Variants in MSRB3 observed in about 807,000 individuals in gnomAD.
The protein encoded by MSRB3 is methionine sulfoxide reductase B3.
In MSRB3, 13 loss-of-function variants were observed where a neutral mutation model predicts 21.0. That is an observed-to-expected ratio of 0.62 (90% CI 0.40 to 0.98). The LOEUF (loss-of-function observed/expected upper bound fraction) is 0.98. Among genes scored for constraint, MSRB3 ranks in the 50% least tolerant of loss-of-function variants. The pLI is 0.00. For synonymous variants in MSRB3, 87 were observed against 88.6 expected, an observed-to-expected ratio of 0.98 and a Z score of 0.10; for missense variants, 199 against 230.3, an observed-to-expected ratio of 0.86 and a Z score of 0.88.
At chr12:65,421,233 T>C (rs1881277856) in intron 5 of MSRB3, among the ~76,000 whole-genome samples, 1 of 149,598 alleles carries the variant, frequency 6.7e-6, no homozygotes, top group Non-Finnish European at 1.5e-5. Flanking sequence ...GACCTTTTTT[T>C]CATGCTTGTT....
chr12:65,420,419 T>G (rs1019141521), intron 5 of MSRB3, among the ~76,000 whole-genome samples: 3 of 152,018 alleles, frequency 2.0e-5, no homozygotes, highest in African/African-American at 7.2e-5. Context: ...TTTTTTCTAT[T>G]TCTGTTTAAT....
At chr12:65,320,989 G>A (rs1011142697) in intron 2 of MSRB3, among the ~76,000 whole-genome samples, 3 of 152,118 alleles carry the variant, frequency 2.0e-5, no homozygotes, top group African/African-American at 7.2e-5. Context: ...TCAGAGATCA[G>A]CACAGACACC....
chr12:65,429,681 T>A (rs2136660545), intron 5 of MSRB3, among the ~76,000 whole-genome samples: 1 of 152,284 alleles, frequency 6.6e-6, no homozygotes, highest in African/African-American at 2.4e-5. Flanking sequence ...GTTTTATTAG[T>A]GGGATTTTAC....
At position 65,291,594 on chromosome 12, in the gene MSRB3, T is replaced by C. The variant is rs1872668881; in HGVS notation, c.-52+12729T>C. 2.0e-5 allele frequency among the ~76,000 whole-genome samples: 3 copies of C among 152,218 alleles called. No homozygotes were observed. The South Asian group carries it at 6.2e-4, about 32-fold the overall frequency. ...TTTATCTGCCATCCTTCCAAAAATA[T>C]GTATTGAGCCCTGTTACATGTCAGG... On this transcript the variant is annotated intron_variant, in intron 1 of 6. Transcript: ENST00000308259.
At chr12:65,397,478 G>GT (rs1170924728) in intron 5 of MSRB3, among the ~76,000 whole-genome samples, 2 of 151,894 alleles carry the variant, frequency 1.3e-5, no homozygotes, top group Non-Finnish European at 2.9e-5. Flanking sequence ...ATTGCCATTG[G>GT]TTTTTTCTTT....
At chr12:65,354,184 G>A (rs1308967673) in intron 4 of MSRB3, among the ~76,000 whole-genome samples, 1 of 151,950 alleles carries the variant, frequency 6.6e-6, no homozygotes, top group Non-Finnish European at 1.5e-5. Context: ...CAACTTTGGT[G>A]AATCTGACAA....
At chr12:65,346,617 T>C (rs1262786302) in intron 4 of MSRB3, among the ~76,000 whole-genome samples, 1 of 152,176 alleles carries the variant, frequency 6.6e-6, no homozygotes, top group East Asian at 1.9e-4. Context: ...ATTTTGGCTT[T>C]TGTTGCCATT....
intron 4 of MSRB3, among the ~76,000 whole-genome samples, chr12:65,336,921 C>T (rs1457593861): frequency 1.3e-5 from 2 of 152,198 alleles, no homozygotes; most frequent in African/African-American, 4.8e-5. Flanking sequence ...AGCCATCCAG[C>T]TCACCAGTTG....
intron 5 of MSRB3, among the ~76,000 whole-genome samples, chr12:65,425,720 G>A (rs980339535): frequency 6.6e-6 from 1 of 151,744 alleles, no homozygotes; most frequent in African/African-American, 2.4e-5. Context: ...GCAAATTATT[G>A]TAGCTATTAT....
chr12:65,280,565 C>A (rs1405877770), intron 1 of MSRB3, among the ~76,000 whole-genome samples: 1 of 152,224 alleles, frequency 6.6e-6, no homozygotes, highest in Non-Finnish European at 1.5e-5. Context: ...ACCATTTAAA[C>A]ATATATTCTT....
chr12:65,389,153 A>C (rs1482485552), intron 5 of MSRB3, among the ~76,000 whole-genome samples: 1 of 152,170 alleles, frequency 6.6e-6, no homozygotes, highest in Non-Finnish European at 1.5e-5. Flanking sequence ...TCAACTGTAC[A>C]TAACCATCCT....
chr12:65,346,478 G>A (rs1232539106), intron 4 of MSRB3, among the ~76,000 whole-genome samples: 1 of 152,072 alleles, frequency 6.6e-6, no homozygotes, highest in African/African-American at 2.4e-5. Flanking sequence ...GTAGTTTCTG[G>A]ATATTAGCCC....
At chr12:65,361,007 A>T (rs1230534875) in intron 4 of MSRB3, among the ~76,000 whole-genome samples, 1 of 152,112 alleles carries the variant, frequency 6.6e-6, no homozygotes, top group South Asian at 2.1e-4. Flanking sequence ...TTTGGCATCC[A>T]TATTAAAGTT....
At position 65,326,851 on chromosome 12, in the gene MSRB3, T is replaced by G; in HGVS notation, c.102T>G (p.Cys34Trp). The G allele has an allele frequency of 6.2e-7, 1 of 1,611,172 alleles. No homozygotes were observed. The highest frequency in any genetic ancestry group is 8.5e-7 in the Non-Finnish European group (1 of 1,178,832). The change falls in exon 3 of 7, where the codon TGT (cysteine) becomes TGG (tryptophan). Residue 34 changes from cysteine (C) to tryptophan (W), a missense_variant. Transcript: ENST00000308259. ...PSGSCRDKKNCKVVFSQQELR... is the reference protein window; with the variant it reads ...PSGSCRDKKNWKVVFSQQELR... ...GGTCGTGTAGGGATAAAAAGAACTG[T>G]AAGGTGGTCTTTTCCCAGCAGGAAC...
rs2136731148 is a variant in MSRB3 at position 65,466,293 on chromosome 12, A to G, written c.*2971A>G. On this transcript the variant is annotated 3_prime_UTR_variant, in exon 7 of 7. Coordinates refer to ENST00000308259, the MANE Select transcript of MSRB3 (RefSeq NM_001031679.3). ...GGTTTAAGTGGTATCAAATTTCAGTATATTTCTGTCTTATGTGAAAGAAAT... is the reference window on the plus strand; with the variant it reads ...GGTTTAAGTGGTATCAAATTTCAGTGTATTTCTGTCTTATGTGAAAGAAAT... The G allele has an allele frequency of 6.6e-6, 1 of 152,288 alleles. No homozygotes were observed. The highest frequency in any genetic ancestry group is 2.4e-5 in the African/African-American group (1 of 41,556). The allele number at this position is 152,288 out of a possible 1,614,324, so 9.4% of individuals were successfully genotyped here. A position where few individuals can be genotyped will look rare whatever the true frequency, so the allele number is the denominator to read the frequency against.
chr12:65,327,965 A>C (rs1312509023), intron 3 of MSRB3, among the ~76,000 whole-genome samples: 1 of 152,240 alleles, frequency 6.6e-6, no homozygotes, highest in African/African-American at 2.4e-5. Flanking sequence ...TTTGGACCTC[A>C]TAAAGAGGGT....
chr12:65,348,993 G>C (rs1461278673), intron 4 of MSRB3, among the ~76,000 whole-genome samples: 1 of 151,936 alleles, frequency 6.6e-6, no homozygotes, highest in Non-Finnish European at 1.5e-5. Flanking sequence ...GTGCCATGCT[G>C]GTGCGCTGCA....
At chr12:65,457,028 T>A (rs2136708993) in intron 6 of MSRB3, among the ~76,000 whole-genome samples, 1 of 152,198 alleles carries the variant, frequency 6.6e-6, no homozygotes, top group African/African-American at 2.4e-5. Flanking sequence ...TCAGGCATCT[T>A]TTTTTACCTT....
intron 4 of MSRB3, among the ~76,000 whole-genome samples, chr12:65,332,132 T>C (rs1379615319): frequency 6.6e-6 from 1 of 152,230 alleles, no homozygotes; most frequent in African/African-American, 2.4e-5. Flanking sequence ...GCTCTAACTT[T>C]ATTTGAGCAC....
Sources: gnomAD v4.1 joint callset for allele counts (sites outside exome capture counted in the v4.1 genomes callset) on GRCh38, gnomAD v4.1.1 for gene constraint, MANE v1.5 for transcripts, NCBI Gene and HGNC (gene_info 2026-07-23, HGNC 2026-07-21) for gene names.